The following CSTF3 variants were observed in gnomAD, a reference collection of about 807,000 sequenced individuals.
CSTF3 encodes the protein CF-1 77 kDa subunit.
Under a neutral mutation model 105.8 loss-of-function variants are expected in CSTF3, and 29 were observed. That is an observed-to-expected ratio of 0.27 (90% CI 0.20 to 0.37). The LOEUF (loss-of-function observed/expected upper bound fraction) is 0.37, where lower values mean the gene tolerates loss of function less well. Among genes scored for constraint, CSTF3 ranks in the 10% least tolerant of loss-of-function variants. The pLI is 1.00. For missense variants in CSTF3, 357 were observed against 879.3 expected, an observed-to-expected ratio of 0.41 and a Z score of 7.51; for synonymous variants, 252 against 281.9, an observed-to-expected ratio of 0.89 and a Z score of 1.06.
intron 3 of CSTF3, chr11:33,134,346 CA>C (rs1189093618): frequency 6.6e-6 from 1 of 152,130 alleles, no homozygotes; most frequent in Non-Finnish European, 1.5e-5. Context: ...CCTAAATAAT[CA>C]AAGTTTTAAG....
rs550813557 is a variant in CSTF3, at chr11:33,116,133, T to A, written c.226-7715A>T. On this transcript the variant is annotated intron_variant, in intron 3 of 20. Transcript: ENST00000323959. The stretch of plus-strand genomic sequence containing the variant: ...AAAATTGAAATGTGCTAAACAAAAC[T>A]ATGATTATCTTTGGGTCTAGATTAA... Among the ~76,000 whole-genome samples the A allele has an allele frequency of 2.6e-5, 4 of 152,300 alleles. No individual in the cohort carries two copies. The South Asian group carries it at 8.3e-4, about 32-fold the overall frequency.
chr11:33,106,525 C>T (rs546082784), intron 5 of CSTF3, among the ~76,000 whole-genome samples: 49 of 151,224 alleles, frequency 3.2e-4, no homozygotes, highest in African/African-American at 9.0e-4. Flanking sequence ...GGCCAGGAGT[C>T]GGAGACAAGC....
At chr11:33,102,401 G>A in intron 9 of CSTF3, 62 bp from the exon 10 acceptor site, 1 of 1,522,182 alleles carries the variant, frequency 6.6e-7, no homozygotes, top group East Asian at 2.3e-5. Context: ...TATGGCGGAT[G>A]GGGTAGATCA....
At chr11:33,147,148 T>C (rs908726231) in intron 1 of CSTF3, among the ~76,000 whole-genome samples, 5 of 151,630 alleles carry the variant, frequency 3.3e-5, no homozygotes, top group African/African-American at 1.2e-4. Flanking sequence ...CAAAAACAAC[T>C]TAGCCAGGCG....
Position 33,161,453 on chromosome 11 carries a change from A to G in CSTF3, c.-128T>C. ...CAGCTGAGCCAGACCGCCAACACCA[A>G]TCGCCACCGCCCACTCAAATATGAA... is the stretch of plus-strand genomic sequence containing the variant. On this transcript the variant is annotated 5_prime_UTR_variant, in exon 1 of 21. Coordinates refer to ENST00000323959, the MANE Select transcript of CSTF3 (RefSeq NM_001326.3). The G allele has an allele frequency of 6.8e-6, 6 of 877,990 alleles. No homozygotes were observed. Among genetic ancestry groups the G allele is most frequent in the South Asian group, 2.8e-5 (2 of 70,494 alleles). The allele number at this position is 877,990 out of a possible 1,614,324, so 54.4% of individuals were successfully genotyped here.
chr11:33,160,550 G>C (rs1043958475), intron 1 of CSTF3, among the ~76,000 whole-genome samples: 2 of 152,076 alleles, frequency 1.3e-5, no homozygotes, highest in African/African-American at 4.8e-5. Flanking sequence ...CACACTAAAA[G>C]GTAAATACTA....
Position 33,085,002 on chromosome 11 carries a change from G to C in CSTF3, c.*85C>G, listed in dbSNP as rs760150693. On this transcript the variant is annotated 3_prime_UTR_variant, in exon 21 of 21. Coordinates refer to ENST00000323959, the MANE Select transcript of CSTF3 (RefSeq NM_001326.3). Reference sequence around the variant, plus strand: ...ATACAACTTTGTTTCCAAGAACCTTGTAACAAAGCGTTGTCTCTTTTAAAC... The same window carrying C: ...ATACAACTTTGTTTCCAAGAACCTTCTAACAAAGCGTTGTCTCTTTTAAAC... 8 of 1,435,074 alleles carry C rather than the reference G, an allele frequency of 5.6e-6. No individual in the cohort carries two copies. The highest frequency in any genetic ancestry group is 7.8e-6 in the Non-Finnish European group (8 of 1,024,898). The allele number at this position is 1,435,074 out of a possible 1,614,324, so 88.9% of individuals were successfully genotyped here.
At chr11:33,139,434 T>C (rs1291481726) in intron 3 of CSTF3, among the ~76,000 whole-genome samples, 1 of 151,996 alleles carries the variant, frequency 6.6e-6, no homozygotes, top group East Asian at 1.9e-4. Context: ...ACATTCTTAT[T>C]ATCACTTCGG....
At chr11:33,153,828 T>A (rs1055462608) in intron 1 of CSTF3, among the ~76,000 whole-genome samples, 1 of 151,764 alleles carries the variant, frequency 6.6e-6, no homozygotes. Context: ...TCAGTTAAAG[T>A]GATAACACAA....
At chr11:33,112,231 G>T (rs1462089563) in intron 3 of CSTF3, among the ~76,000 whole-genome samples, 6 of 151,750 alleles carry the variant, frequency 4.0e-5, no homozygotes, top group Non-Finnish European at 8.8e-5. Context: ...TGCAGCCTGG[G>T]TGACAAGAGC....
chr11:33,085,098 G>T lies in CSTF3; in HGVS notation c.2143C>A (p.Arg715=). ...HDIYRARQQK[R]IR Reference sequence around the variant, plus strand: ...AGGCGTTTAAAACCCTACCGAATCCGCTTCTGCTGCCGTGCTCTGTAAATG... The same window carrying T: ...AGGCGTTTAAAACCCTACCGAATCCTCTTCTGCTGCCGTGCTCTGTAAATG... Residue 715 remains arginine (R), a synonymous_variant, in exon 21 of 21, where the codon CGG becomes AGG. Coordinates refer to ENST00000323959, the MANE Select transcript of CSTF3 (RefSeq NM_001326.3). 6.2e-7 allele frequency: 1 copy of T among 1,614,088 alleles called. No individual in the cohort carries two copies. The highest frequency in any genetic ancestry group is 8.5e-7 in the Non-Finnish European group (1 of 1,179,994).
chr11:33,148,932 T>G (rs1457808896), intron 1 of CSTF3, among the ~76,000 whole-genome samples: 1 of 150,420 alleles, frequency 6.6e-6, no homozygotes, highest in Non-Finnish European at 1.5e-5. Context: ...GCTCCAGTGA[T>G]CCTCCTGTCT....
chr11:33,093,957 C>T (rs1218250045), intron 15 of CSTF3, among the ~76,000 whole-genome samples: 2 of 152,172 alleles, frequency 1.3e-5, no homozygotes, highest in Admixed American at 6.5e-5. Flanking sequence ...CTGCCTGCCT[C>T]GGCCTCCCAA....
intron 16 of CSTF3, 152 bp from the exon 17 acceptor site, chr11:33,090,879 A>G: frequency 2.0e-6 from 1 of 501,834 alleles, no homozygotes; most frequent in Non-Finnish European, 3.4e-6. Context: ...GAAAAATAGA[A>G]TAGTATAATG....
intron 5 of CSTF3, among the ~76,000 whole-genome samples, chr11:33,106,424 A>G (rs1855326098): frequency 6.6e-6 from 1 of 151,978 alleles, no homozygotes; most frequent in Non-Finnish European, 1.5e-5. Flanking sequence ...TCTAAAAAAA[A>G]TTAAAAATAA....
intron 3 of CSTF3, among the ~76,000 whole-genome samples, chr11:33,130,765 G>A (rs948453872): frequency 1.6e-4 from 24 of 151,976 alleles, no homozygotes; most frequent in Admixed American, 1.0e-3. Context: ...TTCTTTGATT[G>A]AGTCCAGGAG....
intron 15 of CSTF3, among the ~76,000 whole-genome samples, chr11:33,094,157 A>AT (rs1194851983): frequency 1.3e-5 from 2 of 152,208 alleles, no homozygotes; most frequent in African/African-American, 4.8e-5. Flanking sequence ...CACATTTTTA[A>AT]TGATCACCAC....
At chr11:33,094,254 T>G (rs751363872) in intron 15 of CSTF3, among the ~76,000 whole-genome samples, 1 of 152,210 alleles carries the variant, frequency 6.6e-6, no homozygotes, top group African/African-American at 2.4e-5. Context: ...TCAACAGTCC[T>G]ATGAAAGGTA....
chr11:33,135,536 TA>T (rs1440961752), intron 3 of CSTF3, among the ~76,000 whole-genome samples: 4 of 152,180 alleles, frequency 2.6e-5, no homozygotes, highest in Non-Finnish European at 5.9e-5. Context: ...CAAGTGATTC[TA>T]AAGCAGTGAA....
Sources: gnomAD v4.1 joint callset for allele counts (sites outside exome capture counted in the v4.1 genomes callset) on GRCh38, gnomAD v4.1.1 for gene constraint, MANE v1.5 for transcripts, NCBI Gene and HGNC (gene_info 2026-07-23, HGNC 2026-07-21) for gene names.